OR52N5: variants seen among roughly 807,000 people sequenced by gnomAD.
The protein encoded by OR52N5 is olfactory receptor 52N5.
In OR52N5, 10 loss-of-function variants were observed where a neutral mutation model predicts 14.1. That is an observed-to-expected ratio of 0.71 (90% CI 0.44 to 1.20). The LOEUF (loss-of-function observed/expected upper bound fraction) is 1.20, where lower values mean the gene tolerates loss of function less well. Ranked by LOEUF, OR52N5 falls within the 50% of genes most tolerant of loss-of-function variation. The pLI is 0.00. For synonymous variants in OR52N5, 116 were observed against 143.0 expected (o/e 0.81, Z 1.35); for missense variants, 361 against 403.2 (o/e 0.90, Z 0.90).
In OR52N5 at chr11:5,778,417, T is replaced by C; in HGVS notation, c.218A>G (p.His73Arg). 2.6e-6 allele frequency: 4 copies of C among 1,515,830 alleles called. 1 individual carries two copies. In the Admixed American group the frequency reaches 5.5e-5, roughly 21 times the overall value. 93.9% of individuals were successfully genotyped at this position (1,515,830 alleles called of 1,614,324 possible). The change falls in exon 3 of 3, where the codon CAT becomes CGT. Residue 73 changes from histidine (H) to arginine (R), a missense_variant. By Grantham distance (29) the His-to-Arg change is conservative. Coordinates refer to ENST00000641181, the MANE Select transcript of OR52N5 (RefSeq NM_001385662.1). ...AAGGAGGTCAATGAGGGAGAGAGCA[T>C]GGCCAAAAAAAAAATACATCGGATG... ...LHHPMYFFFGHALSLIDLLTC... is the reference protein window; with the variant it reads ...LHHPMYFFFGRALSLIDLLTC...
At position 5,777,649 on chromosome 11, in the gene OR52N5, G is replaced by A. The variant is rs1374779689; in HGVS notation, c.*11C>T. 1.0e-5 allele frequency: 14 copies of A among 1,404,210 alleles called. 3 individuals are homozygous for A. The highest frequency in any genetic ancestry group is 1.5e-5 in the African/African-American group (1 of 66,436). 87.0% of individuals were successfully genotyped at this position (1,404,210 alleles called of 1,614,324 possible). ...TTTATCTTTCTTCCATCTGAATTAA[G>A]TTGCCTTGAATCAACCTGCACCCTT... On this transcript the variant is annotated 3_prime_UTR_variant, in exon 3 of 3. Coordinates refer to ENST00000641181, the MANE Select transcript of OR52N5 (RefSeq NM_001385662.1).
Position 5,778,412 on chromosome 11 carries a change from G to C in OR52N5, c.223C>G (p.Leu75Val), listed in dbSNP as rs754087298. 2.2e-5 allele frequency: 33 copies of C among 1,517,538 alleles called. 4 individuals carry two copies. The highest frequency in any genetic ancestry group is 2.4e-5 in the Non-Finnish European group (27 of 1,112,976). 94.0% of individuals were successfully genotyped at this position (1,517,538 alleles called of 1,614,324 possible). A position where few individuals can be genotyped will look rare whatever the true frequency, so the allele number is the denominator to read the frequency against. ...CAGGTAAGGAGGTCAATGAGGGAGAGAGCATGGCCAAAAAAAAAATACATC... is the reference window on the plus strand; with the variant it reads ...CAGGTAAGGAGGTCAATGAGGGAGACAGCATGGCCAAAAAAAAAATACATC... ...HPMYFFFGHA[L>V]SLIDLLTCTT... The change falls in exon 3 of 3, where the codon CTC (leucine) becomes GTC (valine). Residue 75 changes from leucine to valine, a missense_variant. By Grantham distance (32) the Leu-to-Val change is conservative (BLOSUM62 1). Transcript: ENST00000641181.
Position 5,778,680 on chromosome 11 carries a change from CAA to C in OR52N5, c.-23-25_-23-24del, listed in dbSNP as rs371056163. On this transcript the variant is annotated intron_variant, in intron 2 of 2. Coordinates refer to ENST00000641181, the MANE Select transcript of OR52N5 (RefSeq NM_001385662.1). Reference sequence around the variant, plus strand: ...ATCCTGAAGAGAAGGAATTATGAAACAAATTTCATTCAAATTTTCCTTGCAAA... The same window carrying C: ...ATCCTGAAGAGAAGGAATTATGAAACATTTCATTCAAATTTTCCTTGCAAA... 2.5e-4 allele frequency: 305 copies of C among 1,237,790 alleles called. 55 individuals are homozygous for C. In the African/African-American group the frequency reaches 4.7e-3, roughly 19 times the overall value. The allele number at this position is 1,237,790 out of a possible 1,614,324, so 76.7% of individuals were successfully genotyped here. A position where few individuals can be genotyped will look rare whatever the true frequency, so the allele number is the denominator to read the frequency against.
Position 5,778,090 on chromosome 11 carries a change from A to C in OR52N5, c.545T>G (p.Ile182Ser). Residue 182 changes from isoleucine to serine, a missense_variant, in exon 3 of 3, where the codon ATT (isoleucine) becomes AGT (serine). By Grantham distance (142) the Ile-to-Ser change is moderately radical (BLOSUM62 -2). Transcript: ENST00000641181. ...GTGGTCGCAGTACGTATGGGAGATA[A>C]TATTGCTTTGGCAGAAAGGCAAACG... is the stretch of plus-strand genomic sequence containing the variant. ...VKRLPFCQSN[I>S]ISHTYCDHMS... 1 of 1,519,674 alleles carries C rather than the reference A, an allele frequency of 6.6e-7. No individual in the cohort carries two copies. The highest frequency in any genetic ancestry group is 1.4e-5 in the African/African-American group (1 of 70,314). 94.1% of individuals were successfully genotyped at this position (1,519,674 alleles called of 1,614,324 possible).
intron 2 of OR52N5, among the ~76,000 whole-genome samples, chr11:5,780,833 T>G (rs1449703052): frequency 7.1e-6 from 1 of 139,866 alleles, no homozygotes. Flanking sequence ...TTGGGAAAAC[T>G]GAATATCCAC....
chr11:5,782,607 C>T (rs556796598), intron 1 of OR52N5, among the ~76,000 whole-genome samples: 2 of 139,722 alleles, frequency 1.4e-5, no homozygotes, highest in Non-Finnish European at 3.2e-5. Flanking sequence ...TTAAACCAAA[C>T]CAGAATTATT....
Position 5,777,022 on chromosome 11 carries a change from T to C in OR52N5, c.*638A>G, listed in dbSNP as rs980420734. The C allele has an allele frequency of 1.1e-4, 16 of 139,588 alleles. 1 individual carries two copies. Among genetic ancestry groups the C allele is most frequent in the African/African-American group, 4.2e-4 (16 of 38,170 alleles). 8.6% of individuals were successfully genotyped at this position (139,588 alleles called of 1,614,324 possible). A position where few individuals can be genotyped will look rare whatever the true frequency, so the allele number is the denominator to read the frequency against. The stretch of plus-strand genomic sequence containing the variant: ...GGATGAAAAGAGGTTAATTAATAGG[T>C]ACTAAAATACAGTTAAAAAGAATAA... On this transcript the variant is annotated 3_prime_UTR_variant, in exon 3 of 3. Transcript: ENST00000641181.
chr11:5,776,473 C>G lies in OR52N5; in HGVS notation c.*1187G>C, dbSNP rs1158132577. On this transcript the variant is annotated 3_prime_UTR_variant, in exon 3 of 3. Coordinates refer to ENST00000641181, the MANE Select transcript of OR52N5 (RefSeq NM_001385662.1). Reference sequence around the variant, plus strand: ...ATAAAAATATTTCTCAAAATTAATTCATAAACCTAATTTTAGCTTCAAAGA... The same window carrying G: ...ATAAAAATATTTCTCAAAATTAATTGATAAACCTAATTTTAGCTTCAAAGA... The G allele has an allele frequency of 7.1e-6, 1 of 139,898 alleles. No individual in the cohort carries two copies. Among genetic ancestry groups the G allele is most frequent in the Non-Finnish European group, 1.6e-5 (1 of 63,304 alleles). 8.7% of individuals were successfully genotyped at this position (139,898 alleles called of 1,614,324 possible). A position where few individuals can be genotyped will look rare whatever the true frequency, so the allele number is the denominator to read the frequency against.
Position 5,777,652 on chromosome 11 carries a change from G to T in OR52N5, c.*8C>A. On this transcript the variant is annotated 3_prime_UTR_variant, in exon 3 of 3. Transcript: ENST00000641181. Reference sequence around the variant, plus strand: ...ATCTTTCTTCCATCTGAATTAAGTTGCCTTGAATCAACCTGCACCCTTATC... The same window carrying T: ...ATCTTTCTTCCATCTGAATTAAGTTTCCTTGAATCAACCTGCACCCTTATC... The T allele has an allele frequency of 7.1e-7, 1 of 1,413,666 alleles. No individual in the cohort carries two copies. Among genetic ancestry groups the T allele is most frequent in the South Asian group, 1.4e-5 (1 of 69,188 alleles). The allele number at this position is 1,413,666 out of a possible 1,614,324, so 87.6% of individuals were successfully genotyped here.
chr11:5,778,703 G>T, intron 2 of OR52N5, 46 bp from the exon 3 acceptor site: 2 of 1,080,614 alleles, frequency 1.9e-6, no homozygotes, highest in Non-Finnish European at 2.6e-6. Flanking sequence ...AATTTTCCTT[G>T]CAAATACAAA....
At chr11:5,778,982 T>G (rs1160959347) in intron 2 of OR52N5, among the ~76,000 whole-genome samples, 1 of 140,242 alleles carries the variant, frequency 7.1e-6, no homozygotes, top group South Asian at 2.3e-4. Context: ...CATATATGAC[T>G]TCAACATTCA....
rs1854495583 is a variant in OR52N5, at chr11:5,776,623, A to G, written c.*1037T>C. On this transcript the variant is annotated 3_prime_UTR_variant, in exon 3 of 3. Coordinates refer to ENST00000641181, the MANE Select transcript of OR52N5 (RefSeq NM_001385662.1). ...TTAGATAAAAGTTGTGTGAATTCATACCAACGACTTGATTAAAACGGGCAA... is the reference window on the plus strand; with the variant it reads ...TTAGATAAAAGTTGTGTGAATTCATGCCAACGACTTGATTAAAACGGGCAA... 7.1e-6 allele frequency: 1 copy of G among 140,706 alleles called. No individual in the cohort carries two copies. Among genetic ancestry groups the G allele is most frequent in the African/African-American group, 2.6e-5 (1 of 38,506 alleles). The allele number at this position is 140,706 out of a possible 1,614,324, so 8.7% of individuals were successfully genotyped here.
chr11:5,779,735 ATC>A lies in OR52N5; in HGVS notation c.-23-1080_-23-1079del, dbSNP rs769855922. On this transcript the variant is annotated intron_variant, in intron 2 of 2. Coordinates refer to ENST00000641181, the MANE Select transcript of OR52N5 (RefSeq NM_001385662.1). ...GTCTAAGACTACACTTATTGCTTTA[ATC>A]TCTACCTGTGCCCAAAATAGACTTT... 1.1e-4 allele frequency among the ~76,000 whole-genome samples: 15 copies of A among 139,446 alleles called. 3 individuals are homozygous for A. Among genetic ancestry groups the A allele is most frequent in the Non-Finnish European group, 2.2e-4 (14 of 63,046 alleles). The allele number at this position is 139,446 out of a possible 152,430, so 91.5% of individuals were successfully genotyped here.
At chr11:5,780,844 A>G (rs1218570151) in intron 2 of OR52N5, among the ~76,000 whole-genome samples, 2 of 139,748 alleles carry the variant, frequency 1.4e-5, no homozygotes, top group Admixed American at 7.4e-5. Flanking sequence ...GAATATCCAC[A>G]CTCAGAAGAA....
chr11:5,782,540 G>A lies in OR52N5; in HGVS notation c.-248+755C>T, dbSNP rs1854557083. On this transcript the variant is annotated intron_variant, in intron 1 of 2. Transcript: ENST00000641181. ...ACTCTTTGTTCAATAGCTTGCCAAA[G>A]ATACAGAATTTTGTGCTGTCTACAC... 4.3e-5 allele frequency among the ~76,000 whole-genome samples: 6 copies of A among 140,124 alleles called. 2 individuals carry two copies. The South Asian group carries it at 1.4e-3, about 33-fold the overall frequency. 91.9% of individuals were successfully genotyped at this position (140,124 alleles called of 152,430 possible).
Position 5,776,930 on chromosome 11 carries a change from G to A in OR52N5, c.*730C>T, listed in dbSNP as rs1361944675. On this transcript the variant is annotated 3_prime_UTR_variant, in exon 3 of 3. Transcript: ENST00000641181. ...TCATTTATATGTGGGAGCTAAAAAG[G>A]TGGATCTCAAGGAGATAGAGAGTAG... is the stretch of plus-strand genomic sequence containing the variant. The A allele has an allele frequency of 2.9e-5, 4 of 139,594 alleles. 2 individuals are homozygous for A. In the East Asian group the frequency reaches 8.3e-4, roughly 29 times the overall value. The allele number at this position is 139,594 out of a possible 1,614,324, so 8.6% of individuals were successfully genotyped here.
chr11:5,783,078 A>G (rs1854560975), intron 1 of OR52N5, among the ~76,000 whole-genome samples: 1 of 139,434 alleles, frequency 7.2e-6, no homozygotes, highest in Non-Finnish European at 1.6e-5. Flanking sequence ...GAGGGCATCT[A>G]ACCTGTACCT....
rs897994510 is a variant in OR52N5 at position 5,777,710 on chromosome 11, T to C, written c.925A>G (p.Ile309Val). 4 of 1,507,970 alleles carry C rather than the reference T, an allele frequency of 2.7e-6. No individual in the cohort carries two copies. Among genetic ancestry groups the C allele is most frequent in the Non-Finnish European group, 2.7e-6 (3 of 1,107,394 alleles). 93.4% of individuals were successfully genotyped at this position (1,507,970 alleles called of 1,614,324 possible). The stretch of plus-strand genomic sequence containing the variant: ...AAGAACTTTATGACACTCTTGCGTA[T>C]CTGTTTTGTCTTTACTCCATAAACA... ...PIVYGVKTKQIRKSVIKFFQG... is the reference protein window; with the variant it reads ...PIVYGVKTKQVRKSVIKFFQG... Residue 309 changes from isoleucine (I) to valine (V), a missense_variant, in exon 3 of 3, where the codon ATA becomes GTA. Coordinates refer to ENST00000641181, the MANE Select transcript of OR52N5 (RefSeq NM_001385662.1).
In OR52N5 at chr11:5,778,380, G is replaced by A. The variant is rs1854518178; in HGVS notation, c.255C>T (p.Thr85=). 1.3e-5 allele frequency: 19 copies of A among 1,520,002 alleles called. 5 individuals are homozygous for A. The highest frequency in any genetic ancestry group is 2.3e-5 in the East Asian group (1 of 42,834). 94.2% of individuals were successfully genotyped at this position (1,520,002 alleles called of 1,614,324 possible). Residue 85 remains threonine, a synonymous_variant, in exon 3 of 3, where the codon ACC becomes ACT. Transcript: ENST00000641181. ...LSLIDLLTCT[T]TLPNALCIFW... ...AGATGCAGAGTGCATTGGGTAGAGT[G>A]GTGGTGCAGGTAAGGAGGTCAATGA...
Sources: allele counts gnomAD v4.1 joint callset (sites outside exome capture counted in the v4.1 genomes callset), GRCh38; gene constraint gnomAD v4.1.1; transcripts MANE v1.5; gene names NCBI Gene and HGNC (gene_info 2026-07-23, HGNC 2026-07-21).